The following L3MBTL4 variants were observed in gnomAD, a reference collection of about 807,000 sequenced individuals.
L3MBTL4 encodes the protein L3MBTL histone methyl-lysine binding protein 4.
Under a neutral mutation model 84.5 loss-of-function variants are expected in L3MBTL4, and 70 were observed. That is an observed-to-expected ratio of 0.83 (90% CI 0.68 to 1.01). L3MBTL4 has a LOEUF of 1.01. Among genes scored for constraint, L3MBTL4 ranks in the 50% least tolerant of loss-of-function variants. The pLI is 0.00. For synonymous variants in L3MBTL4, 274 were observed against 259.8 expected (o/e 1.05, Z -0.52); for missense variants, 715 against 754.8 (o/e 0.95, Z 0.62).
At chr18:6,120,534 A>T (rs1405857369) in intron 14 of L3MBTL4, among the ~76,000 whole-genome samples, 2 of 152,232 alleles carry the variant, frequency 1.3e-5, no homozygotes, top group East Asian at 3.8e-4. Context: ...TGCCCAGATT[A>T]TAAGTTGTCT....
intron 15 of L3MBTL4, among the ~76,000 whole-genome samples, chr18:6,083,753 G>A (rs7238024): frequency 0.045 from 6,878 of 152,190 alleles, 194 homozygotes; most frequent in South Asian, 0.1. Flanking sequence ...CGTTGCTGTT[G>A]CTGTCGCAAG....
rs538420146 is a variant in L3MBTL4 at position 6,161,934 on chromosome 18, T to A, written c.1096+9894A>T. On this transcript the variant is annotated intron_variant, in intron 13 of 18. Coordinates refer to ENST00000317931, the MANE Select transcript of L3MBTL4 (RefSeq NM_001330559.2). ...ATACATATAATTCTTATATATAAAA[T>A]ATATATATATATCTAAGAAAGCTAA... Among the ~76,000 whole-genome samples the A allele has an allele frequency of 8.0e-5, 12 of 149,792 alleles. No homozygotes were observed. In the South Asian group the frequency reaches 1.9e-3, roughly 24 times the overall value.
At chr18:6,241,306 G>T (rs2047439447) in intron 8 of L3MBTL4, 52 bp downstream of exon 8, 2 of 1,047,438 alleles carry the variant, frequency 1.9e-6, no homozygotes, top group Non-Finnish European at 1.5e-6. Context: ...TGAATTTTAA[G>T]AAATTTAAGC....
At chr18:6,073,835 C>T (rs2057769604) in intron 16 of L3MBTL4, among the ~76,000 whole-genome samples, 4 of 152,046 alleles carry the variant, frequency 2.6e-5, no homozygotes. Flanking sequence ...ACATTTAATA[C>T]ATTGAGATAA....
intron 1 of L3MBTL4, among the ~76,000 whole-genome samples, chr18:6,332,447 A>G (rs2052088207): frequency 6.6e-6 from 1 of 152,188 alleles, no homozygotes; most frequent in African/African-American, 2.4e-5. Flanking sequence ...ACATGGTTCC[A>G]GGGTAGGCAG....
At position 5,955,196 on chromosome 18, in the gene L3MBTL4, C is replaced by G. The variant is rs534217145; in HGVS notation, c.*1024G>C. On this transcript the variant is annotated 3_prime_UTR_variant, in exon 19 of 19. Transcript: ENST00000317931. Reference sequence around the variant, plus strand: ...CTTAAGCCTCCGATACAATCACTTACAAAAAACAAATAAGGCCTGACAACA... The same window carrying G: ...CTTAAGCCTCCGATACAATCACTTAGAAAAAACAAATAAGGCCTGACAACA... 1 of 152,102 alleles carries G rather than the reference C, an allele frequency of 6.6e-6. No individual in the cohort carries two copies. Among genetic ancestry groups the G allele is most frequent in the Non-Finnish European group, 1.5e-5 (1 of 68,030 alleles). 9.4% of individuals were successfully genotyped at this position (152,102 alleles called of 1,614,324 possible).
At chr18:6,056,988 G>A (rs187162759) in intron 16 of L3MBTL4, among the ~76,000 whole-genome samples, 3 of 151,868 alleles carry the variant, frequency 2.0e-5, no homozygotes, top group Admixed American at 2.0e-4. Context: ...TAAGAAAACA[G>A]TTATTTGATG....
chr18:6,023,406 G>A (rs2055358894), intron 16 of L3MBTL4, among the ~76,000 whole-genome samples: 2 of 152,186 alleles, frequency 1.3e-5, no homozygotes, highest in African/African-American at 4.8e-5. Flanking sequence ...TGCAGAAAGT[G>A]AGCCAGCTTT....
chr18:6,218,068 T>C (rs763119955), intron 10 of L3MBTL4, among the ~76,000 whole-genome samples: 2 of 152,220 alleles, frequency 1.3e-5, no homozygotes, highest in Non-Finnish European at 2.9e-5. Flanking sequence ...TGAGTTATAC[T>C]ATATATTTTA....
In L3MBTL4 at chr18:5,992,992, G is replaced by T. The variant is rs754641892; in HGVS notation, c.1445-23430C>A. Among the ~76,000 whole-genome samples the T allele has an allele frequency of 3.9e-5, 6 of 152,198 alleles. No individual in the cohort carries two copies. In the South Asian group the frequency reaches 1.0e-3, roughly 26 times the overall value. ...AGAAGTCGATCTGATTTCGATTCCA[G>T]AAAGATCACCTGGGGGCACAGATGA... On this transcript the variant is annotated intron_variant, in intron 16 of 18. Coordinates refer to ENST00000317931, the MANE Select transcript of L3MBTL4 (RefSeq NM_001330559.2).
intron 12 of L3MBTL4, among the ~76,000 whole-genome samples, chr18:6,209,188 C>A (rs918255694): frequency 1.3e-5 from 2 of 152,150 alleles, no homozygotes; most frequent in African/African-American, 4.8e-5. Flanking sequence ...AAAATAACAT[C>A]TACCTAAAAG....
At chr18:6,344,324 A>G (rs967741454) in intron 1 of L3MBTL4, among the ~76,000 whole-genome samples, 3 of 152,220 alleles carry the variant, frequency 2.0e-5, no homozygotes, top group African/African-American at 7.2e-5. Flanking sequence ...CTAGAAATAT[A>G]CAATCTACCC....
At chr18:6,294,864 C>G (rs760354614) in intron 4 of L3MBTL4, among the ~76,000 whole-genome samples, 1 of 152,050 alleles carries the variant, frequency 6.6e-6, no homozygotes, top group Non-Finnish European at 1.5e-5. Context: ...GGCATGAAGG[C>G]GTTAATAATC....
At chr18:6,062,740 G>C (rs1295205305) in intron 16 of L3MBTL4, among the ~76,000 whole-genome samples, 1 of 151,668 alleles carries the variant, frequency 6.6e-6, no homozygotes, top group Admixed American at 6.6e-5. Context: ...GCCCACTGAT[G>C]CTTTCTTCAG....
intron 1 of L3MBTL4, among the ~76,000 whole-genome samples, chr18:6,398,233 T>C (rs1362819503): frequency 6.6e-6 from 1 of 152,102 alleles, no homozygotes; most frequent in Admixed American, 6.5e-5. Flanking sequence ...GTTTTAACGG[T>C]ATAGAAAACA....
intron 6 of L3MBTL4, among the ~76,000 whole-genome samples, chr18:6,243,654 G>A (rs2047542185): frequency 6.6e-6 from 1 of 152,132 alleles, no homozygotes; most frequent in Admixed American, 6.5e-5. Context: ...GCAAAATAGT[G>A]ACCCTTTTAC....
At chr18:6,218,615 C>A (rs1047611734) in intron 10 of L3MBTL4, among the ~76,000 whole-genome samples, 10 of 152,116 alleles carry the variant, frequency 6.6e-5, no homozygotes, top group African/African-American at 2.4e-4. Context: ...AGGCTGTGAC[C>A]GTTTTAAATG....
intron 12 of L3MBTL4, among the ~76,000 whole-genome samples, chr18:6,172,312 T>A (rs1348097353): frequency 6.6e-6 from 1 of 152,156 alleles, no homozygotes; most frequent in Admixed American, 6.5e-5. Flanking sequence ...GTCAGCATCA[T>A]CAACAGTAAG....
chr18:6,288,667 G>T (rs913871532), intron 4 of L3MBTL4, among the ~76,000 whole-genome samples: 1 of 151,616 alleles, frequency 6.6e-6, no homozygotes, highest in African/African-American at 2.4e-5. Context: ...TAACTTTAAG[G>T]TTTACTTAGG....
Sources: gnomAD v4.1 joint callset for allele counts (sites outside exome capture counted in the v4.1 genomes callset) on GRCh38, gnomAD v4.1.1 for gene constraint, MANE v1.5 for transcripts, NCBI Gene and HGNC (gene_info 2026-07-23, HGNC 2026-07-21) for gene names.